The following VPS8 variants were observed in gnomAD, a reference collection of about 807,000 sequenced individuals.
The protein encoded by VPS8 is VPS8 subunit of CORVET complex.
Under a neutral mutation model 216.4 loss-of-function variants are expected in VPS8, and 129 were observed. The observed-to-expected ratio is 0.60, with a 90% CI of 0.52 to 0.69. VPS8 has a LOEUF of 0.69. VPS8 is among the 30% of genes least tolerant of loss of function. The probability of loss-of-function intolerance (pLI) is 0.00; values close to 1 mark genes in which losing one functional copy is unlikely to be tolerated. For missense variants in VPS8, 1,531 were observed against 1,683.5 expected, an observed-to-expected ratio of 0.91 and a Z score of 1.59; for synonymous variants, 571 against 565.4, an observed-to-expected ratio of 1.01 and a Z score of -0.14.
intron 10 of VPS8, among the ~76,000 whole-genome samples, chr3:184,851,463 TTATG>T (rs978861741): frequency 1.5e-5 from 2 of 132,908 alleles, no homozygotes; most frequent in Non-Finnish European, 3.2e-5. Flanking sequence ...TTATGGATAT[TTATG>T]TGTGTGTGTG....
intron 45 of VPS8, among the ~76,000 whole-genome samples, chr3:185,012,524 C>G (rs1205349543): frequency 6.6e-6 from 1 of 151,564 alleles, no homozygotes; most frequent in African/African-American, 2.4e-5. Flanking sequence ...AAAAACTCAG[C>G]AGACCTCTAG....
chr3:184,961,917 C>A (rs1322789558), intron 37 of VPS8, among the ~76,000 whole-genome samples: 2 of 152,024 alleles, frequency 1.3e-5, no homozygotes, highest in South Asian at 4.2e-4. Context: ...TAGGTGCACA[C>A]CACCGTGCTA....
intron 46 of VPS8, among the ~76,000 whole-genome samples, chr3:185,025,171 G>C (rs1196613266): frequency 6.6e-6 from 1 of 152,230 alleles, no homozygotes; most frequent in African/African-American, 2.4e-5. Context: ...TGTGACCACA[G>C]ATAGGGTATG....
chr3:184,893,460 A>G, intron 22 of VPS8: 3 of 777,572 alleles, frequency 3.9e-6, no homozygotes, highest in Non-Finnish European at 5.0e-6. Flanking sequence ...AACAGAATGA[A>G]CAAAGAAGTG....
chr3:184,897,307 T>G (rs980123563), intron 23 of VPS8, among the ~76,000 whole-genome samples: 1 of 152,098 alleles, frequency 6.6e-6, no homozygotes, highest in Non-Finnish European at 1.5e-5. Context: ...ATTGATTTGC[T>G]GGTGAATTGG....
At chr3:185,047,921 T>C (rs1713298773) in intron 46 of VPS8, among the ~76,000 whole-genome samples, 1 of 152,158 alleles carries the variant, frequency 6.6e-6, no homozygotes, top group South Asian at 2.1e-4. Context: ...AACCGCAGTT[T>C]GGCAGGTCCC....
chr3:184,986,221 A>G lies in VPS8; in HGVS notation c.3585+3127A>G, dbSNP rs764822399. On this transcript the variant is annotated intron_variant, in intron 42 of 47. Transcript: ENST00000625842. ...AGGAAATCAAGGAAAGAAAGGAGGTAGGATTATTCTATATACACAAAGACT... is the reference window on the plus strand; with the variant it reads ...AGGAAATCAAGGAAAGAAAGGAGGTGGGATTATTCTATATACACAAAGACT... Among the ~76,000 whole-genome samples, 66 of 152,224 alleles carry G rather than the reference A, an allele frequency of 4.3e-4. 1 individual carries two copies. The highest frequency in any genetic ancestry group is 1.2e-4 in the Non-Finnish European group (8 of 68,040).
At chr3:184,854,611 C>T (rs1009830423) in intron 13 of VPS8, among the ~76,000 whole-genome samples, 1 of 152,106 alleles carries the variant, frequency 6.6e-6, no homozygotes, top group Non-Finnish European at 1.5e-5. Flanking sequence ...TTATTGAGTC[C>T]AAGCCCTGAT....
At chr3:184,907,262 T>G (rs1735667978) in intron 25 of VPS8, among the ~76,000 whole-genome samples, 1 of 152,170 alleles carries the variant, frequency 6.6e-6, no homozygotes, top group Non-Finnish European at 1.5e-5. Context: ...CACAATTTAG[T>G]CTGGCTCAGT....
chr3:185,036,752 T>C (rs1024214729), intron 46 of VPS8, among the ~76,000 whole-genome samples: 1 of 151,956 alleles, frequency 6.6e-6, no homozygotes, highest in Non-Finnish European at 1.5e-5. Flanking sequence ...TTAGTACCTC[T>C]AGTAATATAT....
chr3:184,853,797 A>G, intron 11 of VPS8, 60 bp from the exon 12 acceptor site: 4 of 1,533,536 alleles, frequency 2.6e-6, no homozygotes, highest in Non-Finnish European at 3.5e-6. Flanking sequence ...GTCCAGGTAG[A>G]GATAGTAGTG....
At chr3:184,974,264 A>ATT (rs1168189560) in intron 40 of VPS8, among the ~76,000 whole-genome samples, 5 of 152,134 alleles carry the variant, frequency 3.3e-5, no homozygotes, top group Non-Finnish European at 5.9e-5. Context: ...GTAATGGCTC[A>ATT]TGATGACTTT....
At chr3:184,836,481 G>T (rs2087497460) in intron 5 of VPS8, among the ~76,000 whole-genome samples, 1 of 152,162 alleles carries the variant, frequency 6.6e-6, no homozygotes, top group Non-Finnish European at 1.5e-5. Flanking sequence ...TATTTAAAAG[G>T]AGTTCTCCTT....
At chr3:184,910,947 G>A (rs910977670) in intron 25 of VPS8, among the ~76,000 whole-genome samples, 1 of 152,194 alleles carries the variant, frequency 6.6e-6, no homozygotes, top group South Asian at 2.1e-4. Flanking sequence ...TTTACTGTAA[G>A]GGTGGGGGTG....
intron 7 of VPS8, among the ~76,000 whole-genome samples, chr3:184,842,143 C>T (rs868701672): frequency 3.0e-5 from 4 of 132,678 alleles, no homozygotes; most frequent in Middle Eastern, 4.0e-3. Context: ...GCCGAGATCG[C>T]GCCACTGCAC....
intron 44 of VPS8, 89 bp downstream of exon 44, chr3:184,996,590 A>C: frequency 7.0e-7 from 1 of 1,420,030 alleles, no homozygotes. Flanking sequence ...ACGGGTAGTC[A>C]TTCTAGCAGT....
At chr3:185,029,312 G>C (rs1233839082) in intron 46 of VPS8, among the ~76,000 whole-genome samples, 1 of 152,208 alleles carries the variant, frequency 6.6e-6, no homozygotes, top group East Asian at 1.9e-4. Flanking sequence ...AAAGGAAGCA[G>C]CAGTGTTCTT....
At chr3:185,003,929 G>A (rs1450269424) in intron 45 of VPS8, among the ~76,000 whole-genome samples, 1 of 151,392 alleles carries the variant, frequency 6.6e-6, no homozygotes, top group African/African-American at 2.4e-5. Context: ...CGGGGTGGCG[G>A]GGCAGAGGCG....
intron 5 of VPS8, 111 bp downstream of exon 5, chr3:184,834,853 A>G: frequency 1.3e-6 from 1 of 785,366 alleles, no homozygotes; most frequent in Non-Finnish European, 1.9e-6. Flanking sequence ...CTTAAGAAAA[A>G]TAGAATCTGG....
Sources: allele counts gnomAD v4.1 joint callset (sites outside exome capture counted in the v4.1 genomes callset), GRCh38; gene constraint gnomAD v4.1.1; transcripts MANE v1.5; gene names NCBI Gene and HGNC (gene_info 2026-07-23, HGNC 2026-07-21).